Variants in SORCS2 observed in about 807,000 individuals in gnomAD.
The protein encoded by SORCS2 is sortilin related VPS10 domain containing receptor 2, also known as VPS10 domain-containing receptor SorCS2.
Under a neutral mutation model 141.6 loss-of-function variants are expected in SORCS2, and 100 were observed. That is an observed-to-expected ratio of 0.71 (90% CI 0.60 to 0.83). SORCS2 has a LOEUF of 0.83. Among genes scored for constraint, SORCS2 ranks in the 40% least tolerant of loss-of-function variants. The pLI, the probability that SORCS2 is intolerant of heterozygous loss-of-function variation, is 0.00. For synonymous variants in SORCS2, 789 were observed against 676.9 expected (o/e 1.17, Z -2.57); for missense variants, 1,646 against 1,560.2 (o/e 1.05, Z -0.93).
intron 2 of SORCS2, among the ~76,000 whole-genome samples, chr4:7,417,426 T>A (rs749328476): frequency 2.6e-5 from 4 of 152,176 alleles, no homozygotes; most frequent in Non-Finnish European, 4.4e-5. Flanking sequence ...GGAGCAGTTT[T>A]TATTATGCTA....
chr4:7,399,876 G>T (rs780695788), intron 2 of SORCS2, among the ~76,000 whole-genome samples: 1 of 152,170 alleles, frequency 6.6e-6, no homozygotes, highest in Admixed American at 6.5e-5. Context: ...CCCCGGGAGA[G>T]GATCTGGTAC....
intron 1 of SORCS2, among the ~76,000 whole-genome samples, chr4:7,289,910 A>G (rs1285620291): frequency 6.6e-6 from 1 of 152,014 alleles, no homozygotes; most frequent in Admixed American, 6.5e-5. Flanking sequence ...CGCCATTGTC[A>G]CCTGCAGCAC....
chr4:7,375,535 A>T (rs545103347), intron 1 of SORCS2, among the ~76,000 whole-genome samples: 13 of 152,308 alleles, frequency 8.5e-5, no homozygotes, highest in Non-Finnish European at 1.8e-4. Flanking sequence ...ATGTCCAGTC[A>T]TGGGAGCGAT....
chr4:7,313,737 C>T (rs1046735653), intron 1 of SORCS2, among the ~76,000 whole-genome samples: 6 of 152,150 alleles, frequency 3.9e-5, no homozygotes, highest in African/African-American at 9.7e-5. Context: ...AATGCTGTCC[C>T]GGAAGGATGT....
At chr4:7,640,434 GTC>G (rs1720646985) in intron 4 of SORCS2, among the ~76,000 whole-genome samples, 1 of 76,010 alleles carries the variant, frequency 1.3e-5, no homozygotes, top group Non-Finnish European at 3.2e-5. Flanking sequence ...GTGTGTGTGA[GTC>G]TACATGAGTG....
intron 3 of SORCS2, among the ~76,000 whole-genome samples, chr4:7,611,302 G>C (rs985193455): frequency 1.3e-5 from 2 of 152,348 alleles, no homozygotes; most frequent in East Asian, 3.9e-4. Context: ...AAGGAGTGTA[G>C]ACCATGAAGC....
chr4:7,479,999 C>T (rs1730533278), intron 2 of SORCS2, among the ~76,000 whole-genome samples: 1 of 152,222 alleles, frequency 6.6e-6, no homozygotes, highest in East Asian at 1.9e-4. Flanking sequence ...GGGAGAAGCT[C>T]AGGGTCTGCT....
At chr4:7,496,868 C>T (rs957323157) in intron 2 of SORCS2, among the ~76,000 whole-genome samples, 4 of 152,174 alleles carry the variant, frequency 2.6e-5, no homozygotes, top group African/African-American at 9.7e-5. Context: ...CTCAGCTTAT[C>T]AAAGAAGCCA....
At chr4:7,430,980 C>G (rs1726809524) in intron 2 of SORCS2, 1 of 152,382 alleles carries the variant, frequency 6.6e-6, no homozygotes, top group Non-Finnish European at 1.5e-5. Context: ...CCCACGAGCA[C>G]TTGCAGAGCA....
At chr4:7,627,766 C>A (rs536872446) in intron 3 of SORCS2, among the ~76,000 whole-genome samples, 1 of 152,358 alleles carries the variant, frequency 6.6e-6, no homozygotes, top group South Asian at 2.1e-4. Flanking sequence ...TTCAGATCAA[C>A]TCGTTTTATT....
intron 2 of SORCS2, among the ~76,000 whole-genome samples, chr4:7,519,710 C>T (rs1733202781): frequency 6.6e-6 from 1 of 152,236 alleles, no homozygotes; most frequent in South Asian, 2.1e-4. Context: ...ACTGGCTGAT[C>T]TCAGGGGAGG....
At chr4:7,354,397 A>C (rs1486790377) in intron 1 of SORCS2, among the ~76,000 whole-genome samples, 3 of 151,054 alleles carry the variant, frequency 2.0e-5, no homozygotes, top group Non-Finnish European at 4.4e-5. Flanking sequence ...TTCTCCCCCA[A>C]GAAAGACCCC....
intron 2 of SORCS2, among the ~76,000 whole-genome samples, chr4:7,437,065 G>A (rs1577562445): frequency 6.6e-6 from 1 of 152,136 alleles, no homozygotes; most frequent in African/African-American, 2.4e-5. Flanking sequence ...GACGCCAACT[G>A]GGAGCCCTGT....
chr4:7,310,745 A>G (rs574237200), intron 1 of SORCS2, among the ~76,000 whole-genome samples: 1 of 152,364 alleles, frequency 6.6e-6, no homozygotes, highest in South Asian at 2.1e-4. Context: ...TTGTCCCTGA[A>G]GATTCTAGGC....
Position 7,531,611 on chromosome 4 carries a change from C to A in SORCS2, c.630C>A (p.Cys210Ter), listed in dbSNP as rs764267808. Residue 210 changes from cysteine to a stop codon, truncating the protein, a stop_gained, in exon 3 of 27, where the codon TGC (cysteine) becomes TGA (stop). Coordinates refer to ENST00000507866, the MANE Select transcript of SORCS2 (RefSeq NM_020777.3). LOFTEE classifies it high-confidence loss of function. ...VTTVIDNFYICPTNKRKVILV... is the reference protein window; with the variant it reads ...VTTVIDNFYI ...CCGTCATCGACAATTTCTACATCTG[C>A]CCGACCAACAAGAGGAAGGTAGGTG... 6.2e-7 allele frequency: 1 copy of A among 1,613,764 alleles called. No homozygotes were observed.
chr4:7,549,068 T>C (rs1470939412), intron 3 of SORCS2, among the ~76,000 whole-genome samples: 1 of 151,362 alleles, frequency 6.6e-6, no homozygotes, highest in Non-Finnish European at 1.5e-5. Flanking sequence ...GGAAGGAGGG[T>C]TCTCCAAGCC....
At chr4:7,380,819 C>T (rs534892712) in intron 1 of SORCS2, among the ~76,000 whole-genome samples, 53 of 152,224 alleles carry the variant, frequency 3.5e-4, no homozygotes, top group Admixed American at 1.2e-3. Context: ...GGTGCGGTGG[C>T]TCACGCCTGT....
intron 3 of SORCS2, among the ~76,000 whole-genome samples, chr4:7,548,071 A>G (rs1713403579): frequency 6.6e-6 from 1 of 152,170 alleles, no homozygotes; most frequent in African/African-American, 2.4e-5. Context: ...AATAGTAATT[A>G]TATTTTCTGA....
rs967330277 is a variant in SORCS2, at chr4:7,602,144, C to A, written c.649-36184C>A. 2.6e-5 allele frequency among the ~76,000 whole-genome samples: 4 copies of A among 152,258 alleles called. 1 individual carries two copies. The highest frequency in any genetic ancestry group is 4.4e-5 in the Non-Finnish European group (3 of 68,046). On this transcript the variant is annotated intron_variant, in intron 3 of 26. Transcript: ENST00000507866. ...TTCCCCCACTTCCACTCGACAAAAC[C>A]GCCATCGTCATCATGGCCCGTTCTC...
Sources: allele counts gnomAD v4.1 joint callset (sites outside exome capture counted in the v4.1 genomes callset), GRCh38; gene constraint gnomAD v4.1.1; transcripts MANE v1.5; gene names NCBI Gene and HGNC (gene_info 2026-07-23, HGNC 2026-07-21).